The following NENF variants were observed in gnomAD, a reference collection of about 807,000 sequenced individuals.
NENF encodes the protein neudesin.
In NENF, 6 loss-of-function variants were observed where a neutral mutation model predicts 14.8. The ratio of observed to expected loss-of-function variants is 0.40; its 90% CI spans 0.22 to 0.80. NENF has a LOEUF of 0.80. NENF is among the 30% of genes least tolerant of loss of function. NENF has a pLI of 0.34. For missense variants in NENF, 184 were observed against 212.7 expected (o/e 0.87, Z 0.84); for synonymous variants, 76 against 95.1 (o/e 0.80, Z 1.17).
rs760539227 is a variant in NENF at position 212,444,565 on chromosome 1, GTGTATC to G, written c.342+126_342+131del. ...TGTGTGTGTGTGTGTGTGTGTGTGT[GTGTATC>G]TGGGCAAGAGCAAGCCTTCCTAATT... On this transcript the variant is annotated intron_variant, in intron 3 of 3. Coordinates refer to ENST00000366988, the MANE Select transcript of NENF (RefSeq NM_013349.5). The G allele has an allele frequency of 7.0e-5, 22 of 315,826 alleles. No individual in the cohort carries two copies. In the African/African-American group the frequency reaches 9.9e-4, roughly 14 times the overall value. 19.6% of individuals were successfully genotyped at this position (315,826 alleles called of 1,614,324 possible). A position where few individuals can be genotyped will look rare whatever the true frequency, so the allele number is the denominator to read the frequency against.
chr1:212,438,168 T>C (rs543220730), intron 1 of NENF, among the ~76,000 whole-genome samples: 4 of 152,344 alleles, frequency 2.6e-5, no homozygotes, highest in African/African-American at 7.2e-5. Flanking sequence ...AAAAAGGTAG[T>C]GTGTTCCAGA....
Position 212,433,049 on chromosome 1 carries a change from C to T in NENF, c.106C>T (p.Arg36Cys). The change falls in exon 1 of 4, where the codon CGC (arginine) becomes TGC (cysteine). Residue 36 changes from arginine to cysteine, a missense_variant. Physicochemically the swap from Arg to Cys is radical, Grantham distance 180. Transcript: ENST00000366988. This position sits in a 1 kb window ranked among gnomAD's most constrained non-coding sequence, Gnocchi z 5.5. ...CACAGCCCGGGCCGGGCAGACACCG[C>T]GCCCTGCCGAGCGGGGGCCCCCAGT... Reference protein sequence around the residue: ...LPTARAGQTPRPAERGPPVRL... With the variant: ...LPTARAGQTPCPAERGPPVRL... The T allele has an allele frequency of 1.7e-6, 2 of 1,189,592 alleles. No individual in the cohort carries two copies. The highest frequency in any genetic ancestry group is 1.0e-6 in the Non-Finnish European group (1 of 960,464). 73.7% of individuals were successfully genotyped at this position (1,189,592 alleles called of 1,614,324 possible).
intron 2 of NENF, among the ~76,000 whole-genome samples, chr1:212,443,542 G>C (rs913927182): frequency 6.6e-6 from 1 of 151,884 alleles, no homozygotes; most frequent in Non-Finnish European, 1.5e-5. Flanking sequence ...ACAGGTGCAC[G>C]CCACCATGCC....
chr1:212,434,655 C>T (rs1374615271), intron 1 of NENF: 1 of 152,170 alleles, frequency 6.6e-6, no homozygotes, highest in African/African-American at 2.4e-5. Flanking sequence ...GTTTTTCCTT[C>T]CCAGCTGTGA....
At chr1:212,435,659 C>T (rs11119936) in intron 1 of NENF, among the ~76,000 whole-genome samples, 1 of 151,556 alleles carries the variant, frequency 6.6e-6, no homozygotes, top group Non-Finnish European at 1.5e-5. Context: ...GTCCTCCTAC[C>T]TCAGCCTTCC....
intron 1 of NENF, among the ~76,000 whole-genome samples, chr1:212,436,623 G>A (rs148470526): frequency 3.9e-5 from 6 of 152,038 alleles, no homozygotes; most frequent in East Asian, 1.9e-4. Context: ...AAGGTCTTTC[G>A]ATTATGAGAT....
At chr1:212,441,491 G>A (rs1571703765) in intron 1 of NENF, among the ~76,000 whole-genome samples, 2 of 151,922 alleles carry the variant, frequency 1.3e-5, no homozygotes, top group African/African-American at 4.8e-5. Context: ...ACTAATATAA[G>A]ATGGGGCCCT....
chr1:212,439,220 G>C (rs773001117), intron 1 of NENF, among the ~76,000 whole-genome samples: 2 of 152,044 alleles, frequency 1.3e-5, no homozygotes, highest in Non-Finnish European at 2.9e-5. Flanking sequence ...TTAAGGAGGA[G>C]ATAAAAATTT....
Position 212,445,882 on chromosome 1 carries a change from T to G in NENF, c.395T>G (p.Val132Gly), listed in dbSNP as rs760728804. The change falls in exon 4 of 4, where the codon GTG becomes GGG. Residue 132 changes from valine to glycine, a missense_variant. Coordinates refer to ENST00000366988, the MANE Select transcript of NENF (RefSeq NM_013349.5). The stretch of plus-strand genomic sequence containing the variant: ...GCCCTGGATGAGGTCTTCACCAAAG[T>G]GTACAAAGCCAAATACCCCATCGTC... ...LEALDEVFTK[V>G]YKAKYPIVGY... 7.2e-5 allele frequency: 116 copies of G among 1,614,046 alleles called. 1 individual carries two copies. The highest frequency in any genetic ancestry group is 9.6e-5 in the Non-Finnish European group (113 of 1,180,010).
intron 1 of NENF, among the ~76,000 whole-genome samples, chr1:212,435,464 G>A (rs922847626): frequency 1.2e-4 from 18 of 151,762 alleles, no homozygotes; most frequent in African/African-American, 4.3e-4. Context: ...TCCTCCTGCC[G>A]CAGCCTCCCA....
intron 3 of NENF, 117 bp downstream of exon 3, chr1:212,444,559 G>A (rs1571705692): frequency 1.1e-5 from 5 of 443,956 alleles, no homozygotes; most frequent in Non-Finnish European, 1.7e-5. Flanking sequence ...GTGTGTGTGT[G>A]TGTGTGTGTA....
intron 1 of NENF, among the ~76,000 whole-genome samples, chr1:212,435,479 G>T (rs572575762): frequency 2.0e-5 from 3 of 151,460 alleles, no homozygotes; most frequent in African/African-American, 4.9e-5. Flanking sequence ...CTCCCAAGCC[G>T]CTAGTATTAC....
At chr1:212,443,319 A>T (rs1390310636) in intron 2 of NENF, among the ~76,000 whole-genome samples, 1 of 152,188 alleles carries the variant, frequency 6.6e-6, no homozygotes, top group Admixed American at 6.5e-5. Flanking sequence ...GTATTGGTTT[A>T]TCTATTATTT....
Position 212,442,989 on chromosome 1 carries a change from C to T in NENF, c.238+364C>T, listed in dbSNP as rs145078962. On this transcript the variant is annotated intron_variant, in intron 2 of 3. Transcript: ENST00000366988. ...AACTTCTGACCTTGTGATCCACCCG[C>T]TTCGGCCTCCCAAAGTGCTAGTATT... Among the ~76,000 whole-genome samples, 225 of 152,302 alleles carry T rather than the reference C, an allele frequency of 1.5e-3. 3 individuals are homozygous for T. Among genetic ancestry groups the T allele is most frequent in the African/African-American group, 4.1e-3 (172 of 41,574 alleles).
chr1:212,445,680 C>T, intron 3 of NENF, 150 bp from the exon 4 acceptor site: 1 of 357,760 alleles, frequency 2.8e-6, no homozygotes, highest in Non-Finnish European at 5.3e-6. Flanking sequence ...AGCAGTGTCT[C>T]TTAAGCCATT....
intron 1 of NENF, among the ~76,000 whole-genome samples, chr1:212,435,601 G>A (rs1406867186): frequency 1.4e-5 from 2 of 146,392 alleles, no homozygotes; most frequent in African/African-American, 2.5e-5. Context: ...AGCCTGGAGT[G>A]CAGTGGCAGG....
At chr1:212,440,331 T>G (rs1437671565) in intron 1 of NENF, among the ~76,000 whole-genome samples, 1 of 152,024 alleles carries the variant, frequency 6.6e-6, no homozygotes, top group East Asian at 1.9e-4. Context: ...ATACTGGGGT[T>G]AAATGATAGC....
intron 3 of NENF, 117 bp downstream of exon 3, chr1:212,444,559 GTGTGTGTGTA>G (rs1215848754): frequency 0.02 from 8,635 of 442,494 alleles, 500 homozygotes; most frequent in African/African-American, 0.17. Context: ...GTGTGTGTGT[GTGTGTGTGTA>G]TCTGGGCAAG....
At chr1:212,443,023 G>A (rs532844241) in intron 2 of NENF, among the ~76,000 whole-genome samples, 57 of 152,276 alleles carry the variant, frequency 3.7e-4, no homozygotes, top group African/African-American at 1.2e-3. Context: ...TTACAGGTGT[G>A]AGCCACCACA....
Sources: allele counts gnomAD v4.1 joint callset (sites outside exome capture counted in the v4.1 genomes callset), GRCh38; gene constraint gnomAD v4.1.1; non-coding constraint Gnocchi (gnomAD v3.1); transcripts MANE v1.5; gene names NCBI Gene and HGNC (gene_info 2026-07-23, HGNC 2026-07-21).